The following MAP3K2 variants were observed in gnomAD, a reference collection of about 807,000 sequenced individuals.
MAP3K2 encodes MAP/ERK kinase kinase 2.
A neutral mutation model predicts 80.3 loss-of-function variants in MAP3K2; 24 were observed. The observed-to-expected ratio is 0.30, with a 90% CI of 0.22 to 0.42. The LOEUF is 0.42. Ranked by LOEUF, MAP3K2 falls within the 10% of genes least tolerant of loss-of-function variation. The pLI is 1.00. For synonymous variants in MAP3K2, 244 were observed against 253.7 expected (o/e 0.96, Z 0.36); for missense variants, 608 against 750.1 (o/e 0.81, Z 2.21).
intron 2 of MAP3K2, among the ~76,000 whole-genome samples, chr2:127,342,388 G>GGGGTGTGTGTGTGT (rs143219830): frequency 3.4e-5 from 5 of 147,744 alleles, no homozygotes; most frequent in African/African-American, 1.3e-4. Flanking sequence ...TCTTCATGAG[G>GGGGTGTGTGTGTGT]GTGTGTGTGT....
rs778999039 is a variant in MAP3K2 at position 127,322,296 on chromosome 2, G to C, written c.839-44C>G. 8.0e-7 allele frequency: 1 copy of C among 1,242,688 alleles called. No individual in the cohort carries two copies. The highest frequency in any genetic ancestry group is 1.5e-5 in the African/African-American group (1 of 65,536). 77.0% of individuals were successfully genotyped at this position (1,242,688 alleles called of 1,614,324 possible). ...ATGACCTTATACCTTTTATTAATAT[G>C]TTATACTTTTAAAGTATTTAAAATT... On this transcript the variant is annotated intron_variant, in intron 11 of 16. Transcript: ENST00000682094. This position sits in a 1 kb window ranked among gnomAD's most constrained non-coding sequence, Gnocchi z 4.2.
At chr2:127,349,149 G>T (rs949979791) in intron 1 of MAP3K2, among the ~76,000 whole-genome samples, 8 of 149,490 alleles carry the variant, frequency 5.4e-5, no homozygotes, top group African/African-American at 2.0e-4. Context: ...ACAAGAAAGT[G>T]TTCCTTTCTT....
At chr2:127,341,863 C>A (rs371733741) in intron 2 of MAP3K2, among the ~76,000 whole-genome samples, 13 of 152,094 alleles carry the variant, frequency 8.5e-5, no homozygotes, top group East Asian at 3.9e-4. Flanking sequence ...TGGAAGGACA[C>A]TGAATTGAGC....
intron 1 of MAP3K2, among the ~76,000 whole-genome samples, chr2:127,371,242 T>C (rs997346762): frequency 2.0e-5 from 3 of 152,160 alleles, no homozygotes; most frequent in Admixed American, 2.0e-4. Flanking sequence ...CAGAATACGA[T>C]GAGTTGTGCG....
Position 127,304,076 on chromosome 2 carries a change from T to A in MAP3K2, c.*3503A>T, listed in dbSNP as rs1685648708. ...TCAAGTGAAAGCCAATCCAATTCAC[T>A]CTGAAATCAAGGTTTAAAATTTTCT... is the stretch of plus-strand genomic sequence containing the variant. On this transcript the variant is annotated 3_prime_UTR_variant, in exon 17 of 17. Transcript: ENST00000682094. 1 of 152,176 alleles carries A rather than the reference T, an allele frequency of 6.6e-6. No individual in the cohort carries two copies. The highest frequency in any genetic ancestry group is 1.5e-5 in the Non-Finnish European group (1 of 68,000). 9.4% of individuals were successfully genotyped at this position (152,176 alleles called of 1,614,324 possible). A position where few individuals can be genotyped will look rare whatever the true frequency, so the allele number is the denominator to read the frequency against.
At chr2:127,372,658 G>A (rs962390096) in intron 1 of MAP3K2, among the ~76,000 whole-genome samples, 1 of 152,070 alleles carries the variant, frequency 6.6e-6, no homozygotes, top group African/African-American at 2.4e-5. Context: ...TAGCCCAATG[G>A]GGGGGTCACT....
rs13431090 is a variant in MAP3K2, at chr2:127,338,290, G to A, written c.124-512C>T. On this transcript the variant is annotated intron_variant, in intron 3 of 16. Transcript: ENST00000682094. ...TTTTTTCTGGGAAGGGGTCAACGTTGGCTGCAGAATGCTACAATTCTTTAT... is the reference window on the plus strand; with the variant it reads ...TTTTTTCTGGGAAGGGGTCAACGTTAGCTGCAGAATGCTACAATTCTTTAT... Among the ~76,000 whole-genome samples the A allele has an allele frequency of 3.5e-3, 536 of 152,220 alleles. 5 individuals carry two copies. Among genetic ancestry groups the A allele is most frequent in the African/African-American group, 0.012 (514 of 41,528 alleles).
At chr2:127,315,723 G>T (rs974869035) in intron 14 of MAP3K2, among the ~76,000 whole-genome samples, 7 of 152,146 alleles carry the variant, frequency 4.6e-5, no homozygotes, top group Non-Finnish European at 7.4e-5. Flanking sequence ...CAGATCACCT[G>T]AGGTCAGGAG....
chr2:127,341,517 GTT>G (rs71336233), intron 2 of MAP3K2, among the ~76,000 whole-genome samples: 177 of 121,204 alleles, frequency 1.5e-3, no homozygotes, highest in African/African-American at 5.2e-3. Context: ...AGTACAATGG[GTT>G]TTTTTTTGTT....
chr2:127,298,977 G>GA lies in MAP3K2; in HGVS notation c.*8601dup, dbSNP rs1685538482. 6.6e-6 allele frequency: 1 copy of GA among 151,616 alleles called. No individual in the cohort carries two copies. The highest frequency in any genetic ancestry group is 1.5e-5 in the Non-Finnish European group (1 of 67,896). 9.4% of individuals were successfully genotyped at this position (151,616 alleles called of 1,614,324 possible). On this transcript the variant is annotated 3_prime_UTR_variant, in exon 17 of 17. Transcript: ENST00000682094. ...TTAAAAAAAAGCTATTTACCAGCAA[G>GA]AAAAAACAAGTACCTAGAAATTATA... is the stretch of plus-strand genomic sequence containing the variant.
intron 1 of MAP3K2, among the ~76,000 whole-genome samples, chr2:127,374,079 T>C (rs1272239252): frequency 6.6e-6 from 1 of 152,238 alleles, no homozygotes; most frequent in Non-Finnish European, 1.5e-5. Flanking sequence ...AGCGGCTGTC[T>C]GGTGGAGATC....
rs1686085376 is a variant in MAP3K2 at position 127,324,221 on chromosome 2, C to T, written c.698G>A (p.Arg233Gln). Residue 233 changes from arginine to glutamine, a missense_variant, in exon 10 of 17, where the codon CGA becomes CAA. Physicochemically the swap from Arg to Gln is conservative, Grantham distance 43. Transcript: ENST00000682094. The part of the protein sequence containing the change: ...PLDGESYPKS[R>Q]MPRAQSYPDN... ...TGGGTAGCTCTGAGCCCTAGGCATT[C>T]GTGATTTTGGATAGCTCTCTCTATA... is the stretch of plus-strand genomic sequence containing the variant. 1.9e-6 allele frequency: 3 copies of T among 1,563,618 alleles called. No homozygotes were observed. Among genetic ancestry groups the T allele is most frequent in the South Asian group, 1.2e-5 (1 of 83,022 alleles).
At position 127,385,731 on chromosome 2, in the gene MAP3K2, G is replaced by A. The variant is rs149136663; in HGVS notation, c.-66+1721C>T. ...AAATAGCTCCAATTCTATAGGGAAAGAGAAAATCAACCTGAAACCAACGCT... is the reference window on the plus strand; with the variant it reads ...AAATAGCTCCAATTCTATAGGGAAAAAGAAAATCAACCTGAAACCAACGCT... On this transcript the variant is annotated intron_variant, in intron 1 of 16. Transcript: ENST00000682094. Among the ~76,000 whole-genome samples, 1,308 of 151,140 alleles carry A rather than the reference G, an allele frequency of 8.7e-3. 16 individuals are homozygous for A. The highest frequency in any genetic ancestry group is 0.03 in the African/African-American group (1,247 of 41,150).
At chr2:127,371,924 C>A (rs947964293) in intron 1 of MAP3K2, among the ~76,000 whole-genome samples, 1 of 152,208 alleles carries the variant, frequency 6.6e-6, no homozygotes, top group Non-Finnish European at 1.5e-5. Context: ...GAGGGGCTGA[C>A]CCCAGGCCCT....
intron 1 of MAP3K2, among the ~76,000 whole-genome samples, chr2:127,357,995 G>A (rs1349892637): frequency 3.3e-5 from 5 of 151,920 alleles, no homozygotes; most frequent in African/African-American, 1.2e-4. Flanking sequence ...AATTAAAAAT[G>A]TTTACCCTTC....
intron 1 of MAP3K2, among the ~76,000 whole-genome samples, chr2:127,379,225 C>A (rs960985496): frequency 2.0e-5 from 3 of 152,060 alleles, no homozygotes; most frequent in African/African-American, 7.2e-5. Context: ...ACCTCCCAAT[C>A]ACATTAAATA....
chr2:127,319,115 A>T (rs1685963231), intron 12 of MAP3K2, among the ~76,000 whole-genome samples: 1 of 152,124 alleles, frequency 6.6e-6, no homozygotes, highest in Non-Finnish European at 1.5e-5. Context: ...GGAAACGCAG[A>T]AAGTCCTTCC....
At chr2:127,326,032 A>G (rs1447427722) in intron 8 of MAP3K2, among the ~76,000 whole-genome samples, 2 of 152,124 alleles carry the variant, frequency 1.3e-5, no homozygotes, top group Non-Finnish European at 2.9e-5. Flanking sequence ...CTCATTTTCA[A>G]ATGTCCCTTG....
intron 2 of MAP3K2, among the ~76,000 whole-genome samples, chr2:127,340,493 C>G (rs1435429314): frequency 6.6e-6 from 1 of 152,048 alleles, no homozygotes; most frequent in African/African-American, 2.4e-5. Context: ...CCCGTCTCCA[C>G]TAAAAATACA....
Sources: allele counts gnomAD v4.1 joint callset (sites outside exome capture counted in the v4.1 genomes callset), GRCh38; gene constraint gnomAD v4.1.1; non-coding constraint Gnocchi (gnomAD v3.1); transcripts MANE v1.5; gene names NCBI Gene and HGNC (gene_info 2026-07-23, HGNC 2026-07-21).